Variants in ZNF430 observed in about 807,000 individuals in gnomAD.
ZNF430 encodes zinc finger protein 430.
Under a neutral mutation model 56.7 loss-of-function variants are expected in ZNF430, and 35 were observed. That is an observed-to-expected ratio of 0.62 (90% confidence interval 0.47 to 0.82). ZNF430 has a LOEUF of 0.82. Ranked by LOEUF, ZNF430 falls within the 40% of genes least tolerant of loss-of-function variation. The probability of loss-of-function intolerance (pLI) is 0.00; values close to 1 mark genes in which losing one functional copy is unlikely to be tolerated. For synonymous variants in ZNF430, 212 were observed against 224.3 expected (o/e 0.94, Z 0.49); for missense variants, 574 against 661.0 (o/e 0.87, Z 1.44).
chr19:21,033,328 A>G, intron 2 of ZNF430, 128 bp from the exon 3 acceptor site: 2 of 1,312,986 alleles, frequency 1.5e-6, no homozygotes, highest in South Asian at 1.5e-5. Context: ...TTATTGGATA[A>G]TTTCAGTCAT....
rs550852816 is a variant in ZNF430 at position 21,058,137 on chromosome 19, A to G, written c.*116A>G. The G allele has an allele frequency of 5.7e-5, 55 of 970,846 alleles. No homozygotes were observed. The highest frequency in any genetic ancestry group is 3.3e-4 in the South Asian group (19 of 57,720). The allele number at this position is 970,846 out of a possible 1,614,324, so 60.1% of individuals were successfully genotyped here. A position where few individuals can be genotyped will look rare whatever the true frequency, so the allele number is the denominator to read the frequency against. ...TGGCAAAGCCTTCAACAAGTCCTCA[A>G]TTCTTACCAGACATAAGATAATTCT... On this transcript the variant is annotated 3_prime_UTR_variant, in exon 5 of 5. Coordinates refer to ENST00000261560, the MANE Select transcript of ZNF430 (RefSeq NM_025189.4).
At chr19:21,022,940 C>A in intron 2 of ZNF430, 59 bp downstream of exon 2, 3 of 1,252,202 alleles carry the variant, frequency 2.4e-6, no homozygotes, top group Non-Finnish European at 3.5e-6. Flanking sequence ...TTCTTGGAGA[C>A]ACATTGCTGG....
chr19:21,029,747 A>T (rs1001797953), intron 2 of ZNF430, among the ~76,000 whole-genome samples: 1 of 152,132 alleles, frequency 6.6e-6, no homozygotes. Flanking sequence ...CAGACAGATC[A>T]TGAGGTCGAG....
chr19:21,026,915 C>T (rs1216516236), intron 2 of ZNF430, among the ~76,000 whole-genome samples: 4 of 139,518 alleles, frequency 2.9e-5, no homozygotes, highest in East Asian at 2.4e-4. Flanking sequence ...CTGCAACCTC[C>T]GCCTCCCAGG....
At chr19:21,055,115 C>T (rs1420082263) in intron 4 of ZNF430, among the ~76,000 whole-genome samples, 1 of 150,788 alleles carries the variant, frequency 6.6e-6, no homozygotes. Flanking sequence ...TTCTGTGTCA[C>T]TCACTGAGTA....
Position 21,057,732 on chromosome 19 carries a change from A to G in ZNF430, c.1424A>G (p.His475Arg). Residue 475 changes from histidine (H) to arginine (R), a missense_variant, in exon 5 of 5, where the codon CAT (histidine) becomes CGT (arginine). By Grantham distance (29) the His-to-Arg change is conservative (BLOSUM62 0). Coordinates refer to ENST00000261560, the MANE Select transcript of ZNF430 (RefSeq NM_025189.4). Reference sequence around the variant, plus strand: ...AACCGGTCCCCAAAACTTACTGCACATAAGGTAATTCATTCTGGAGAGAAA... The same window carrying G: ...AACCGGTCCCCAAAACTTACTGCACGTAAGGTAATTCATTCTGGAGAGAAA... ...AFNRSPKLTA[H>R]KVIHSGEKPY... The G allele has an allele frequency of 6.9e-6, 11 of 1,605,710 alleles. No homozygotes were observed. Among genetic ancestry groups the G allele is most frequent in the South Asian group, 1.1e-5 (1 of 89,518 alleles).
At chr19:21,042,498 C>T (rs866699240) in intron 4 of ZNF430, among the ~76,000 whole-genome samples, 8 of 151,992 alleles carry the variant, frequency 5.3e-5, no homozygotes, top group South Asian at 2.1e-4. Flanking sequence ...TTAATAATCA[C>T]GATTCTTGGC....
chr19:21,046,861 T>C (rs962228334), intron 4 of ZNF430, among the ~76,000 whole-genome samples: 13 of 152,210 alleles, frequency 8.5e-5, no homozygotes, highest in Non-Finnish European at 1.9e-4. Context: ...CTGGATTTTC[T>C]GAATTTGAAT....
intron 2 of ZNF430, among the ~76,000 whole-genome samples, chr19:21,032,493 C>T (rs1043974751): frequency 6.6e-6 from 1 of 152,028 alleles, no homozygotes; most frequent in Admixed American, 6.6e-5. Flanking sequence ...TTTGGGAGGG[C>T]GAGGTGGGCG....
chr19:21,049,170 T>G (rs1160538048), intron 4 of ZNF430, among the ~76,000 whole-genome samples: 11 of 56,796 alleles, frequency 1.9e-4, no homozygotes, highest in African/African-American at 6.0e-4. Context: ...CAAGACTCCA[T>G]CTCAAAAAAA....
At chr19:21,033,698 C>A in intron 3 of ZNF430, 116 bp downstream of exon 3, 2 of 1,213,678 alleles carry the variant, frequency 1.6e-6, no homozygotes, top group South Asian at 1.7e-5. Context: ...GATACTTGTT[C>A]TTAAGAAAAC....
rs557398618 is a variant in ZNF430, at chr19:21,037,369, C to T, written c.322+3185C>T. ...CTGACCTCAGGTGATCTGCCATCCT[C>T]GGCCTCCCAAAGTGCTGGGATTACA... On this transcript the variant is annotated intron_variant, in intron 4 of 4. Transcript: ENST00000261560. Among the ~76,000 whole-genome samples the T allele has an allele frequency of 3.9e-5, 6 of 152,190 alleles. No homozygotes were observed. The South Asian group carries it at 1.0e-3, about 26-fold the overall frequency.
chr19:21,054,167 G>A (rs899042358), intron 4 of ZNF430, among the ~76,000 whole-genome samples: 2 of 151,868 alleles, frequency 1.3e-5, no homozygotes, highest in South Asian at 2.1e-4. Context: ...AATTAAAAAT[G>A]TTTTCTGCAC....
rs1968414948 is a variant in ZNF430, at chr19:21,058,144, C to A, written c.*123C>A. 2 of 934,878 alleles carry A rather than the reference C, an allele frequency of 2.1e-6. No individual in the cohort carries two copies. The highest frequency in any genetic ancestry group is 3.1e-6 in the Non-Finnish European group (2 of 636,408). 57.9% of individuals were successfully genotyped at this position (934,878 alleles called of 1,614,324 possible). A position where few individuals can be genotyped will look rare whatever the true frequency, so the allele number is the denominator to read the frequency against. On this transcript the variant is annotated 3_prime_UTR_variant, in exon 5 of 5. Coordinates refer to ENST00000261560, the MANE Select transcript of ZNF430 (RefSeq NM_025189.4). ...GCCTTCAACAAGTCCTCAATTCTTA[C>A]CAGACATAAGATAATTCTGGCTGGG...
intron 4 of ZNF430, among the ~76,000 whole-genome samples, chr19:21,046,764 C>A (rs1179710685): frequency 6.6e-6 from 1 of 152,014 alleles, no homozygotes; most frequent in African/African-American, 2.4e-5. Context: ...GCTGCCTTAT[C>A]ATTTATTCCT....
In ZNF430 at chr19:21,057,521, G is replaced by C; in HGVS notation, c.1213G>C (p.Glu405Gln). The change falls in exon 5 of 5, where the codon GAA (glutamate) becomes CAA (glutamine). Residue 405 changes from glutamate to glutamine, a missense_variant. Physicochemically the swap from Glu to Gln is conservative, Grantham distance 29. This residue lies in a region of ZNF430 where 213 missense variants were observed against 221.0 expected (regional missense o/e 0.96). Transcript: ENST00000261560. ...HTGEKFYKCE[E>Q]CGKGFNWSST... ...TGGAGAGAAATTCTACAAATGTGAA[G>C]AATGTGGCAAAGGCTTTAATTGGTC... The C allele has an allele frequency of 6.2e-7, 1 of 1,613,360 alleles. No homozygotes were observed. Among genetic ancestry groups the C allele is most frequent in the South Asian group, 1.1e-5 (1 of 91,066 alleles).
At chr19:21,039,035 C>T (rs1319979979) in intron 4 of ZNF430, among the ~76,000 whole-genome samples, 1 of 151,978 alleles carries the variant, frequency 6.6e-6, no homozygotes, top group East Asian at 1.9e-4. Context: ...CTTCAACCTC[C>T]GCCTCCCGGG....
intron 4 of ZNF430, among the ~76,000 whole-genome samples, chr19:21,048,427 A>G (rs1968222186): frequency 6.6e-6 from 1 of 151,738 alleles, no homozygotes; most frequent in African/African-American, 2.4e-5. Context: ...TTAACAAAGC[A>G]CATCTTGCAC....
chr19:21,047,181 A>G (rs1200222778), intron 4 of ZNF430, among the ~76,000 whole-genome samples: 1 of 152,088 alleles, frequency 6.6e-6, no homozygotes, highest in Non-Finnish European at 1.5e-5. Flanking sequence ...TTTCAGTTCC[A>G]TCAGGTCATT....
Sources: gnomAD v4.1 joint callset for allele counts (sites outside exome capture counted in the v4.1 genomes callset) on GRCh38, gnomAD v4.1.1 for gene constraint, gnomAD v4.1.1 regional missense constraint, MANE v1.5 for transcripts, NCBI Gene and HGNC (gene_info 2026-07-23, HGNC 2026-07-21) for gene names.